Variants in ADGRD1 observed in about 807,000 individuals in gnomAD.
ADGRD1 encodes G-protein coupled receptor 133.
In ADGRD1, 77 loss-of-function variants were observed where a neutral mutation model predicts 113.4. That is an observed-to-expected ratio of 0.68 (90% CI 0.57 to 0.82). The LOEUF (loss-of-function observed/expected upper bound fraction) is 0.82, where lower values mean the gene tolerates loss of function less well. Among genes scored for constraint, ADGRD1 ranks in the 40% least tolerant of loss-of-function variants. The probability of loss-of-function intolerance (pLI) is 0.00; values close to 1 mark genes in which losing one functional copy is unlikely to be tolerated. For missense variants in ADGRD1, 1,036 were observed against 1,139.1 expected (o/e 0.91, Z 1.30); for synonymous variants, 474 against 475.0 (o/e 1.00, Z 0.03).
intron 2 of ADGRD1, among the ~76,000 whole-genome samples, chr12:130,959,249 A>C (rs1323993699): frequency 6.6e-6 from 1 of 152,302 alleles, no homozygotes; most frequent in East Asian, 1.9e-4. Flanking sequence ...GGCACTCAGC[A>C]CTGTGCCTTA....
At chr12:130,982,142 A>G (rs1277658422) in intron 5 of ADGRD1, 79 bp downstream of exon 5, 17 of 1,296,190 alleles carry the variant, frequency 1.3e-5, no homozygotes, top group South Asian at 1.2e-4. Flanking sequence ...GAGAAGCCCA[A>G]CGCAGCCCAA....
intron 15 of ADGRD1, among the ~76,000 whole-genome samples, chr12:131,104,054 T>G (rs1466637893): frequency 1.3e-5 from 2 of 152,244 alleles, no homozygotes; most frequent in Non-Finnish European, 2.9e-5. Context: ...CTATCCTTTG[T>G]GGCCCTGCAG....
Position 131,004,209 on chromosome 12 carries a change from C to T in ADGRD1, c.1168C>T (p.Pro390Ser), listed in dbSNP as rs761092368. 1 of 1,613,840 alleles carries T rather than the reference C, an allele frequency of 6.2e-7. No individual in the cohort carries two copies. Among genetic ancestry groups the T allele is most frequent in the South Asian group, 1.1e-5 (1 of 91,056 alleles). ...MAEFSVAKIL[P>S]KTVNSSHYRF... ...AGAGTTTTCCGTGGCCAAAATCCTGCCCAAGACCGTGAATTCCTCCCATTA... is the reference window on the plus strand; with the variant it reads ...AGAGTTTTCCGTGGCCAAAATCCTGTCCAAGACCGTGAATTCCTCCCATTA... Residue 390 changes from proline (P) to serine (S), a missense_variant, in exon 11 of 25, where the codon CCC (proline) becomes TCC (serine). By Grantham distance (74) the Pro-to-Ser change is moderately conservative. Transcript: ENST00000261654.
At position 131,105,835 on chromosome 12, in the gene ADGRD1, G is replaced by T; in HGVS notation, c.1857G>T (p.Leu619=). The T allele has an allele frequency of 1.2e-6, 2 of 1,600,362 alleles. No individual in the cohort carries two copies. The highest frequency in any genetic ancestry group is 1.7e-6 in the Non-Finnish European group (2 of 1,179,834). The part of the protein sequence containing the change: ...SFAVLVAQVL[L]LISFRLEPGT... ...CCGTGCTGGTGGCCCAGGTCCTGCT[G>T]CTCATTAGTTTCCGCCTCGAGCCGG... Residue 619 remains leucine (L), a synonymous_variant, in exon 17 of 25, where the codon CTG becomes CTT. Coordinates refer to ENST00000261654, the MANE Select transcript of ADGRD1 (RefSeq NM_198827.5).
intron 7 of ADGRD1, 67 bp downstream of exon 7, chr12:130,991,145 A>C (rs1874330769): frequency 7.5e-7 from 1 of 1,334,332 alleles, no homozygotes; most frequent in African/African-American, 1.4e-5. Context: ...TTGCTGGGAG[A>C]GAGAAAATTC....
chr12:131,002,806 G>A (rs1876558262), intron 9 of ADGRD1: 2 of 1,236,308 alleles, frequency 1.6e-6, no homozygotes, highest in South Asian at 1.5e-5. Context: ...GGACCTGGGG[G>A]CGATCAGCCC....
At chr12:131,104,242 G>A (rs900948222) in intron 15 of ADGRD1, among the ~76,000 whole-genome samples, 21 of 151,872 alleles carry the variant, frequency 1.4e-4, no homozygotes, top group South Asian at 2.1e-4. Flanking sequence ...AGGCGGGGGC[G>A]GTAGCCAGCT....
intron 18 of ADGRD1, 84 bp from the exon 19 acceptor site, chr12:131,118,301 A>C (rs1391963588): frequency 1.1e-6 from 1 of 943,700 alleles, no homozygotes; most frequent in South Asian, 1.5e-5. Context: ...CAAGGAATGA[A>C]GAAAGGAAGG....
rs1314272937 is a variant in ADGRD1 at position 131,049,089 on chromosome 12, G to A, written c.1474-27712G>A. Among the ~76,000 whole-genome samples, 7 of 152,362 alleles carry A rather than the reference G, an allele frequency of 4.6e-5. No homozygotes were observed. In the South Asian group the frequency reaches 1.2e-3, roughly 27 times the overall value. On this transcript the variant is annotated intron_variant, in intron 13 of 24. Coordinates refer to ENST00000261654, the MANE Select transcript of ADGRD1 (RefSeq NM_198827.5). Reference sequence around the variant, plus strand: ...GCGGATGATACTTCATATGCTGTACGTCACGAGCACTCTGGAGCTGGACCC... The same window carrying A: ...GCGGATGATACTTCATATGCTGTACATCACGAGCACTCTGGAGCTGGACCC...
chr12:131,047,084 G>C (rs1262359970), intron 13 of ADGRD1, among the ~76,000 whole-genome samples: 4 of 150,332 alleles, frequency 2.7e-5, no homozygotes, highest in Admixed American at 2.6e-4. Flanking sequence ...TCCCTGGTCA[G>C]TGCTCCCTCC....
chr12:131,086,267 G>A (rs902238485), intron 15 of ADGRD1, among the ~76,000 whole-genome samples: 3 of 152,298 alleles, frequency 2.0e-5, no homozygotes, highest in Non-Finnish European at 4.4e-5. Flanking sequence ...CCACTGTCCT[G>A]TTGACCAGGA....
At chr12:131,032,654 T>G (rs1880906383) in intron 13 of ADGRD1, among the ~76,000 whole-genome samples, 1 of 152,318 alleles carries the variant, frequency 6.6e-6, no homozygotes. Flanking sequence ...TTATGCTTAT[T>G]AGAGAAATCA....
At chr12:131,044,966 C>G (rs1471636158) in intron 13 of ADGRD1, among the ~76,000 whole-genome samples, 1 of 152,276 alleles carries the variant, frequency 6.6e-6, no homozygotes, top group African/African-American at 2.4e-5. Flanking sequence ...AGGCTTCGCC[C>G]TCTTGTTCCT....
intron 15 of ADGRD1, among the ~76,000 whole-genome samples, chr12:131,094,043 TCCCCAGCCTCAGC>T (rs1887106395): frequency 9.8e-6 from 1 of 102,278 alleles, no homozygotes; most frequent in South Asian, 3.3e-4. Context: ...CCAGCCTCAG[TCCCCAGCCTCAGC>T]ACCCAGCCTC....
intron 8 of ADGRD1, among the ~76,000 whole-genome samples, chr12:130,998,392 T>C (rs905402642): frequency 3.3e-5 from 5 of 152,230 alleles, no homozygotes. Flanking sequence ...CCCAGTGATC[T>C]CTGACCTGAT....
At chr12:131,087,349 A>G (rs1241695748) in intron 15 of ADGRD1, among the ~76,000 whole-genome samples, 2 of 152,188 alleles carry the variant, frequency 1.3e-5, no homozygotes, top group Non-Finnish European at 2.9e-5. Context: ...TCCTAGACCT[A>G]CGTGCTTTGG....
In ADGRD1 at chr12:131,014,330, A is replaced by G. The variant is rs1241155903; in HGVS notation, c.1463A>G (p.Lys488Arg). ...SGSPLITVHL[K>R]HRLTRKQHSE... is the part of the protein sequence containing the mutation. ...TCTCCACTCATTACGGTCCACCTCA[A>G]GCACAGATTGGTGAGTGGCGGTGCC... The change falls in exon 13 of 25, where the codon AAG (lysine) becomes AGG (arginine). Residue 488 changes from lysine (K) to arginine (R), a missense_variant. Lys to Arg is a conservative substitution (Grantham distance 26). Transcript: ENST00000261654. The G allele has an allele frequency of 6.2e-7, 1 of 1,613,110 alleles. No homozygotes were observed. Among genetic ancestry groups the G allele is most frequent in the African/African-American group, 1.3e-5 (1 of 75,000 alleles).
chr12:130,954,166 G>C lies in ADGRD1; in HGVS notation c.-300G>C. The C allele has an allele frequency of 2.8e-6, 1 of 351,754 alleles. No homozygotes were observed. The highest frequency in any genetic ancestry group is 5.0e-6 in the Non-Finnish European group (1 of 198,030). 21.8% of individuals were successfully genotyped at this position (351,754 alleles called of 1,614,324 possible). ...CAGGTCGCGGTCACAGTGGTGACCT[G>C]GGATTGCTTTCCCAGGACTGCGAGT... On this transcript the variant is annotated 5_prime_UTR_variant, in exon 1 of 25. Transcript: ENST00000261654. This position sits in a 1 kb window ranked among gnomAD's most constrained non-coding sequence, Gnocchi z 4.7.
intron 17 of ADGRD1, among the ~76,000 whole-genome samples, chr12:131,106,785 C>A: frequency 6.6e-6 from 1 of 152,208 alleles, no homozygotes; most frequent in East Asian, 1.9e-4. Context: ...CCACCTCAGA[C>A]TCGGGAGCAT....
Sources: gnomAD v4.1 joint callset for allele counts (sites outside exome capture counted in the v4.1 genomes callset) on GRCh38, gnomAD v4.1.1 for gene constraint, Gnocchi (gnomAD v3.1) non-coding constraint, MANE v1.5 for transcripts, NCBI Gene and HGNC (gene_info 2026-07-23, HGNC 2026-07-21) for gene names.